TCF12: variants seen among roughly 807,000 people sequenced by gnomAD.
TCF12 encodes transcription factor 12, also known as DNA-binding protein HTF4.
A neutral mutation model predicts 86.0 loss-of-function variants in TCF12; 45 were observed. That is an observed-to-expected ratio of 0.52 (90% CI 0.41 to 0.67). TCF12 has a LOEUF of 0.67. TCF12 is among the 30% of genes least tolerant of loss of function. The pLI is 0.00. For synonymous variants in TCF12, 330 were observed against 299.6 expected (o/e 1.10, Z -1.05); for missense variants, 881 against 859.9 (o/e 1.02, Z -0.31).
intron 5 of TCF12, among the ~76,000 whole-genome samples, chr15:57,161,299 AG>A (rs1457115130): frequency 1.3e-5 from 2 of 152,226 alleles, no homozygotes; most frequent in Non-Finnish European, 2.9e-5. Flanking sequence ...AATATTTGTT[AG>A]GGTAACTAAT....
chr15:57,222,832 G>A (rs544006691), intron 8 of TCF12, among the ~76,000 whole-genome samples: 100 of 94,696 alleles, frequency 1.1e-3, no homozygotes, highest in African/African-American at 4.0e-3. Context: ...CCATTTTTCT[G>A]ACCAGTCTCC....
At chr15:57,136,087 C>T (rs1409144333) in intron 5 of TCF12, among the ~76,000 whole-genome samples, 1 of 152,152 alleles carries the variant, frequency 6.6e-6, no homozygotes, top group Non-Finnish European at 1.5e-5. Flanking sequence ...ATGTGGAAAT[C>T]TATAATTTGT....
rs540005822 is a variant in TCF12 at position 57,096,288 on chromosome 15, C to T, written c.325+4397C>T. Among the ~76,000 whole-genome samples, 28 of 152,122 alleles carry T rather than the reference C, an allele frequency of 1.8e-4. No individual in the cohort carries two copies. In the South Asian group the frequency reaches 4.6e-3, roughly 25 times the overall value. ...AAGCTGATTTAACTTTTTTAGCCTA[C>T]GACACCCCAAAATCACATTAGGCAC... On this transcript the variant is annotated intron_variant, in intron 5 of 20. Coordinates refer to ENST00000333725, the MANE Select transcript of TCF12 (RefSeq NM_207037.2).
At chr15:57,261,161 T>G (rs2060569198) in intron 16 of TCF12, among the ~76,000 whole-genome samples, 1 of 152,186 alleles carries the variant, frequency 6.6e-6, no homozygotes, top group South Asian at 2.1e-4. Flanking sequence ...TGACCAATCC[T>G]AAAATCATTT....
At position 57,219,098 on chromosome 15, in the gene TCF12, A is replaced by G. The variant is rs932087254; in HGVS notation, c.580-12054A>G. 1.1e-4 allele frequency: 118 copies of G among 1,058,528 alleles called. No homozygotes were observed. The Middle Eastern group carries it at 1.3e-3, about 11-fold the overall frequency. The allele number at this position is 1,058,528 out of a possible 1,614,324, so 65.6% of individuals were successfully genotyped here. The stretch of plus-strand genomic sequence containing the variant: ...TAGCAAGCTAGGTTTCTCTGCCACA[A>G]GTGCTCTAATTTAATTAAAACTAAA... On this transcript the variant is annotated intron_variant, in intron 8 of 20. Transcript: ENST00000333725.
intron 18 of TCF12, among the ~76,000 whole-genome samples, chr15:57,271,915 T>A (rs185996124): frequency 9.8e-5 from 15 of 152,352 alleles, no homozygotes; most frequent in African/African-American, 3.6e-4. Flanking sequence ...ACCTTATTCA[T>A]AATGTAGAAT....
intron 3 of TCF12, among the ~76,000 whole-genome samples, chr15:56,975,927 G>A (rs1316677995): frequency 6.6e-6 from 1 of 151,278 alleles, no homozygotes; most frequent in African/African-American, 2.4e-5. Context: ...ACACTACTGG[G>A]CTTTTGCAGA....
At chr15:56,978,282 A>G (rs994001710) in intron 3 of TCF12, among the ~76,000 whole-genome samples, 3 of 152,196 alleles carry the variant, frequency 2.0e-5, no homozygotes, top group Non-Finnish European at 4.4e-5. Flanking sequence ...AAAAGAATAC[A>G]TAATATAAAG....
chr15:57,192,420 A>T (rs2057032241), intron 7 of TCF12, 127 bp downstream of exon 7: 24 of 1,274,786 alleles, frequency 1.9e-5, no homozygotes, highest in Non-Finnish European at 2.1e-5. Context: ...ACAGCGTCTC[A>T]CTCTGTTACC....
chr15:57,252,308 G>C (rs1156539191), intron 14 of TCF12, 113 bp from the exon 15 acceptor site: 1 of 714,814 alleles, frequency 1.4e-6, no homozygotes, highest in Non-Finnish European at 2.4e-6. Flanking sequence ...CGCAAGTCTT[G>C]GCGTTAACTT....
chr15:57,013,292 A>T (rs965482880), intron 3 of TCF12, among the ~76,000 whole-genome samples: 1 of 152,164 alleles, frequency 6.6e-6, no homozygotes, highest in African/African-American at 2.4e-5. Flanking sequence ...TGAGCTTGAC[A>T]AGCAGGTATT....
At chr15:57,197,454 G>A (rs575993293) in intron 7 of TCF12, among the ~76,000 whole-genome samples, 38 of 152,172 alleles carry the variant, frequency 2.5e-4, no homozygotes, top group Non-Finnish European at 4.1e-4. Flanking sequence ...CACCACATCC[G>A]GCCGAACAGT....
At chr15:57,009,636 C>T (rs981718840) in intron 3 of TCF12, among the ~76,000 whole-genome samples, 18 of 152,074 alleles carry the variant, frequency 1.2e-4, no homozygotes, top group African/African-American at 3.6e-4. Flanking sequence ...ACCTTTACAG[C>T]AAGGGAGTTG....
chr15:57,275,495 G>A (rs763081904), intron 19 of TCF12, among the ~76,000 whole-genome samples: 12 of 138,004 alleles, frequency 8.7e-5, no homozygotes, highest in Non-Finnish European at 1.6e-4. Flanking sequence ...GTCAGATAGG[G>A]TTTAGAACCC....
chr15:57,073,654 C>T (rs1240704710), intron 4 of TCF12, among the ~76,000 whole-genome samples: 2 of 152,210 alleles, frequency 1.3e-5, no homozygotes, highest in Non-Finnish European at 2.9e-5. Context: ...TCCCTTTTTA[C>T]TGTGTTGCAT....
At chr15:56,989,556 GTGTC>G (rs1235003804) in intron 3 of TCF12, among the ~76,000 whole-genome samples, 55 of 152,320 alleles carry the variant, frequency 3.6e-4, no homozygotes, top group African/African-American at 1.3e-3. Context: ...CAGTGTGTGT[GTGTC>G]TGTCTTTCTA....
chr15:57,176,190 C>A (rs976700163), intron 6 of TCF12, among the ~76,000 whole-genome samples: 2 of 152,082 alleles, frequency 1.3e-5, no homozygotes, highest in Non-Finnish European at 2.9e-5. Flanking sequence ...AGAATGAAAC[C>A]CTGTCTCTAG....
At chr15:57,193,401 A>G (rs1386735784) in intron 7 of TCF12, among the ~76,000 whole-genome samples, 3 of 152,174 alleles carry the variant, frequency 2.0e-5, no homozygotes, top group African/African-American at 4.8e-5. Context: ...GAAGCATTCA[A>G]ACCTCATTAT....
intron 3 of TCF12, among the ~76,000 whole-genome samples, chr15:56,977,594 C>T (rs1282349074): frequency 6.6e-6 from 1 of 151,658 alleles, no homozygotes; most frequent in Admixed American, 6.6e-5. Flanking sequence ...GAGACACACA[C>T]ACACAGAGAG....
Sources: allele counts gnomAD v4.1 joint callset (sites outside exome capture counted in the v4.1 genomes callset), GRCh38; gene constraint gnomAD v4.1.1; transcripts MANE v1.5; gene names NCBI Gene and HGNC (gene_info 2026-07-23, HGNC 2026-07-21).